SNRNP70: variants seen among roughly 807,000 people sequenced by gnomAD.
SNRNP70 encodes the protein small nuclear ribonucleoprotein U1 subunit 70.
In SNRNP70, 8 loss-of-function variants were observed where a neutral mutation model predicts 50.5. The ratio of observed to expected loss-of-function variants is 0.16; its 90% CI spans 0.09 to 0.29. SNRNP70 has a LOEUF of 0.29. Ranked by LOEUF, SNRNP70 falls within the 10% of genes least tolerant of loss-of-function variation. The pLI, the probability that SNRNP70 is intolerant of heterozygous loss-of-function variation, is 1.00. For synonymous variants in SNRNP70, 320 were observed against 252.9 expected, an observed-to-expected ratio of 1.27 and a Z score of -2.52; for missense variants, 529 against 663.5, an observed-to-expected ratio of 0.80 and a Z score of 2.23.
In SNRNP70 at chr19:49,107,381, T is replaced by TGAAA. The variant is rs973947723; in HGVS notation, c.578-243_578-242insAAAG. 1.3e-5 allele frequency among the ~76,000 whole-genome samples: 2 copies of TGAAA among 152,218 alleles called. No homozygotes were observed. The highest frequency in any genetic ancestry group is 2.9e-5 in the Non-Finnish European group (2 of 68,040). On this transcript the variant is annotated intron_variant, in intron 8 of 9. Coordinates refer to ENST00000598441, the MANE Select transcript of SNRNP70 (RefSeq NM_003089.6). This position sits in a 1 kb window ranked among gnomAD's most constrained non-coding sequence, Gnocchi z 6.0. ...GCGCTATGGTTAAGATGATGCGCTTTGGGGCCAGACATGGGTTCCAGTAAC... is the reference window on the plus strand; with the variant it reads ...GCGCTATGGTTAAGATGATGCGCTTTGAAAGGGGCCAGACATGGGTTCCAGTAAC...
rs35105583 is a variant in SNRNP70 at position 49,104,707 on chromosome 19, C to T, written c.549C>T (p.Thr183=). 74 of 1,557,020 alleles carry T rather than the reference C, an allele frequency of 4.8e-5. No individual in the cohort carries two copies. The highest frequency in any genetic ancestry group is 2.4e-4 in the East Asian group (10 of 41,608). ...TTGTGGACGTGGAGAGGGGCCGAAC[C>T]GTGAAGGGCTGGAGGCCCCGGCGGC... The part of the protein sequence containing the change: ...RVLVDVERGR[T]VKGWRPRRLG... The change falls in exon 8 of 10, where the codon ACC becomes ACT. Residue 183 remains threonine (T), a synonymous_variant. Transcript: ENST00000598441. The surrounding 1 kb of genome is among the most constrained non-coding windows in gnomAD (Gnocchi z 5.4).
chr19:49,104,834 C>A lies in SNRNP70; in HGVS notation c.577+99C>A. On this transcript the variant is annotated intron_variant, in intron 8 of 9. Transcript: ENST00000598441. This position sits in a 1 kb window ranked among gnomAD's most constrained non-coding sequence, Gnocchi z 5.4. The stretch of plus-strand genomic sequence containing the variant: ...TTTCTGCTTCTCTGTCTCCTGCCGG[C>A]CCACCTCTCCCATCGCGTCCTCATC... 1.4e-6 allele frequency: 1 copy of A among 695,820 alleles called. No homozygotes were observed. 43.1% of individuals were successfully genotyped at this position (695,820 alleles called of 1,614,324 possible). A position where few individuals can be genotyped will look rare whatever the true frequency, so the allele number is the denominator to read the frequency against.
chr19:49,085,485 G>A lies in SNRNP70; in HGVS notation c.-162G>A, dbSNP rs565222602. The A allele has an allele frequency of 4.5e-6, 2 of 445,574 alleles. No homozygotes were observed. The highest frequency in any genetic ancestry group is 7.2e-5 in the East Asian group (1 of 13,938). The allele number at this position is 445,574 out of a possible 1,614,324, so 27.6% of individuals were successfully genotyped here. A position where few individuals can be genotyped will look rare whatever the true frequency, so the allele number is the denominator to read the frequency against. On this transcript the variant is annotated 5_prime_UTR_variant, in exon 1 of 10. Transcript: ENST00000598441. ...CGGAGGCCGCGCGGGTGGCTGAGCA[G>A]CGGCCTGGTGCGCTCGCTTAGCGGG...
chr19:49,101,549 CT>C (rs766197677), intron 7 of SNRNP70, 78 bp downstream of exon 7: 25 of 915,734 alleles, frequency 2.7e-5, no homozygotes, highest in African/African-American at 1.3e-4. Context: ...AGTCTGTCCC[CT>C]CCCCCACCCT....
chr19:49,101,136 A>G (rs2040579731), intron 6 of SNRNP70, among the ~76,000 whole-genome samples: 1 of 152,114 alleles, frequency 6.6e-6, no homozygotes, highest in Non-Finnish European at 1.5e-5. Flanking sequence ...ATTCCACCTG[A>G]CAGGCTGACA....
chr19:49,094,494 G>A (rs1434085455), intron 4 of SNRNP70, among the ~76,000 whole-genome samples: 5 of 152,068 alleles, frequency 3.3e-5, no homozygotes, highest in African/African-American at 1.2e-4. Flanking sequence ...GCAAGACTCC[G>A]TCTCAAAAAA....
chr19:49,088,909 G>A (rs1229740316), intron 2 of SNRNP70, among the ~76,000 whole-genome samples: 2 of 152,100 alleles, frequency 1.3e-5, no homozygotes, highest in Non-Finnish European at 2.9e-5. Context: ...GTTGCTTTAG[G>A]CCTGGTCATC....
Position 49,108,554 on chromosome 19 carries a change from CT to C in SNRNP70, c.*112del, listed in dbSNP as rs1455182319. On this transcript the variant is annotated 3_prime_UTR_variant, in exon 10 of 10. Coordinates refer to ENST00000598441, the MANE Select transcript of SNRNP70 (RefSeq NM_003089.6). Reference sequence around the variant, plus strand: ...GAGTTTGTCCTCCAAGGGTAGGTGTCTCATTTGTTCTGGCCCCTTGGATTTA... The same window carrying C: ...GAGTTTGTCCTCCAAGGGTAGGTGTCCATTTGTTCTGGCCCCTTGGATTTA... The C allele has an allele frequency of 7.5e-7, 1 of 1,340,514 alleles. No homozygotes were observed. Among genetic ancestry groups the C allele is most frequent in the African/African-American group, 1.5e-5 (1 of 67,488 alleles). The allele number at this position is 1,340,514 out of a possible 1,614,324, so 83.0% of individuals were successfully genotyped here. A position where few individuals can be genotyped will look rare whatever the true frequency, so the allele number is the denominator to read the frequency against.
Position 49,108,027 on chromosome 19 carries a change from C to CGGCGGG in SNRNP70, c.899_904dup (p.Arg301_Glu302insGlyArg). The CGGCGGG allele has an allele frequency of 6.5e-7, 1 of 1,547,876 alleles. No individual in the cohort carries two copies. The highest frequency in any genetic ancestry group is 8.7e-7 in the Non-Finnish European group (1 of 1,146,482). On this transcript the variant is annotated inframe_insertion, in exon 10 of 10. Coordinates refer to ENST00000598441, the MANE Select transcript of SNRNP70 (RefSeq NM_003089.6). ...AAGCAGCCGGAGTCGGGAGCGGGCC[C>CGGCGGG]GGCGGGAGCGGGAGCGCAAGGAGGA... is the stretch of plus-strand genomic sequence containing the variant.
intron 1 of SNRNP70, 59 bp from the exon 2 acceptor site, chr19:49,086,346 C>A: frequency 6.6e-7 from 1 of 1,515,180 alleles, no homozygotes; most frequent in South Asian, 1.3e-5. Flanking sequence ...CAAGGAGTAA[C>A]AGGGGCTTTC....
At chr19:49,086,608 A>G (rs370741413) in intron 2 of SNRNP70, 47 bp downstream of exon 2, 7 of 1,588,600 alleles carry the variant, frequency 4.4e-6, no homozygotes, top group Non-Finnish European at 5.2e-6. Flanking sequence ...CTGGGGAGCA[A>G]CGGGTTGGAT....
chr19:49,099,315 A>G (rs566995324), intron 6 of SNRNP70, among the ~76,000 whole-genome samples: 2 of 152,286 alleles, frequency 1.3e-5, no homozygotes, highest in Non-Finnish European at 2.9e-5. Flanking sequence ...GCCGGGTGCA[A>G]TGGCTCACAC....
At chr19:49,095,198 A>G (rs1024764298) in intron 4 of SNRNP70, among the ~76,000 whole-genome samples, 1 of 152,198 alleles carries the variant, frequency 6.6e-6, no homozygotes, top group African/African-American at 2.4e-5. Flanking sequence ...GCTCCAGGGA[A>G]CTCACACAGT....
At chr19:49,090,399 AGAT>A in intron 3 of SNRNP70, 46 bp downstream of exon 3, 1 of 1,613,018 alleles carries the variant, frequency 6.2e-7, no homozygotes. Context: ...CACTGTCTCC[AGAT>A]GATCCTTGAC....
intron 7 of SNRNP70, 145 bp downstream of exon 7, chr19:49,101,616 C>CTTT: frequency 2.0e-6 from 1 of 503,952 alleles, no homozygotes; most frequent in Non-Finnish European, 3.6e-6. Flanking sequence ...TCTGATGTAT[C>CTTT]TTTTTTTTTT....
At chr19:49,086,637 G>A in intron 2 of SNRNP70, 76 bp downstream of exon 2, 1 of 1,374,880 alleles carries the variant, frequency 7.3e-7, no homozygotes, top group Non-Finnish European at 1.0e-6. Context: ...CCAGCTTCTG[G>A]CCATTTTGCC....
At chr19:49,089,656 ATTTTTTTTTTTTTTT>A in intron 2 of SNRNP70, among the ~76,000 whole-genome samples, 1 of 82,586 alleles carries the variant, frequency 1.2e-5, no homozygotes. Flanking sequence ...TTGAGACAGG[ATTTTTTTTTTTTTTT>A]TTTTTTTTTG....
At chr19:49,098,358 A>G (rs1276529031) in intron 4 of SNRNP70, 69 bp from the exon 5 acceptor site, 88 of 1,264,534 alleles carry the variant, frequency 7.0e-5, no homozygotes, top group Non-Finnish European at 9.4e-5. Flanking sequence ...GCCTCTGCCC[A>G]TCGTATTTGT....
In SNRNP70 at chr19:49,085,483, C is replaced by A. The variant is rs764817759; in HGVS notation, c.-164C>A. 1 of 444,634 alleles carries A rather than the reference C, an allele frequency of 2.2e-6. No homozygotes were observed. The highest frequency in any genetic ancestry group is 2.4e-5 in the Admixed American group (1 of 41,818). The allele number at this position is 444,634 out of a possible 1,614,324, so 27.5% of individuals were successfully genotyped here. A position where few individuals can be genotyped will look rare whatever the true frequency, so the allele number is the denominator to read the frequency against. The stretch of plus-strand genomic sequence containing the variant: ...ATCGGAGGCCGCGCGGGTGGCTGAG[C>A]AGCGGCCTGGTGCGCTCGCTTAGCG... On this transcript the variant is annotated 5_prime_UTR_variant, in exon 1 of 10. Transcript: ENST00000598441.
Sources: gnomAD v4.1 joint callset for allele counts (sites outside exome capture counted in the v4.1 genomes callset) on GRCh38, gnomAD v4.1.1 for gene constraint, Gnocchi (gnomAD v3.1) non-coding constraint, MANE v1.5 for transcripts, NCBI Gene and HGNC (gene_info 2026-07-23, HGNC 2026-07-21) for gene names.